IQCH: variants seen among roughly 807,000 people sequenced by gnomAD.
IQCH encodes the protein IQ domain-containing protein H.
IQCH carries 98 observed loss-of-function variants against 117.0 expected under a neutral mutation model. The ratio of observed to expected loss-of-function variants is 0.84; its 90% CI spans 0.71 to 0.99. IQCH has a LOEUF of 0.99. Among genes scored for constraint, IQCH ranks in the 50% least tolerant of loss-of-function variants. The probability of loss-of-function intolerance (pLI) is 0.00; values close to 1 mark genes in which losing one functional copy is unlikely to be tolerated. For missense variants in IQCH, 1,102 were observed against 1,243.8 expected (o/e 0.89, Z 1.72); for synonymous variants, 412 against 448.2 (o/e 0.92, Z 1.02).
chr15:67,414,365 A>G lies in IQCH; in HGVS notation c.2098-2566A>G, dbSNP rs112921093. On this transcript the variant is annotated intron_variant, in intron 14 of 20. Coordinates refer to ENST00000335894, the MANE Select transcript of IQCH (RefSeq NM_001031715.3). ...AGCACGGAGAAAGCTTTCTCTCCCAATTGAAGAGAAGGCTTCCTGGAGGAG... is the reference window on the plus strand; with the variant it reads ...AGCACGGAGAAAGCTTTCTCTCCCAGTTGAAGAGAAGGCTTCCTGGAGGAG... Among the ~76,000 whole-genome samples the G allele has an allele frequency of 3.8e-3, 575 of 152,188 alleles. 12 individuals are homozygous for G. The highest frequency in any genetic ancestry group is 0.012 in the African/African-American group (480 of 41,510).
Position 67,463,674 on chromosome 15 carries a change from G to C in IQCH, c.2506-1453G>C, listed in dbSNP as rs1243575433. On this transcript the variant is annotated intron_variant, in intron 16 of 20. Coordinates refer to ENST00000335894, the MANE Select transcript of IQCH (RefSeq NM_001031715.3). The surrounding 1 kb of genome is among the most constrained non-coding windows in gnomAD (Gnocchi z 4.0). ...GGGACCAGTTGTGTTTTTGTTGCTT[G>C]TTTAAAGCTCAAAGGTCACCTTCAT... 6.6e-6 allele frequency among the ~76,000 whole-genome samples: 1 copy of C among 152,096 alleles called. No homozygotes were observed. The highest frequency in any genetic ancestry group is 2.4e-5 in the African/African-American group (1 of 41,404).
chr15:67,442,280 C>T (rs1046440266), intron 16 of IQCH, among the ~76,000 whole-genome samples: 4 of 151,792 alleles, frequency 2.6e-5, no homozygotes, highest in Non-Finnish European at 5.9e-5. Flanking sequence ...CATGGTGGTG[C>T]GTGCCTGTAA....
intron 4 of IQCH, among the ~76,000 whole-genome samples, chr15:67,293,894 G>A (rs906795011): frequency 2.6e-5 from 4 of 152,136 alleles, no homozygotes; most frequent in Admixed American, 1.3e-4. Context: ...AAAGTAGGAG[G>A]GGCCAGATCT....
intron 1 of IQCH, chr15:67,255,207 T>C: frequency 1.9e-6 from 1 of 539,322 alleles, no homozygotes; most frequent in South Asian, 2.5e-5. Flanking sequence ...ACCCGGAACC[T>C]TTACTTCAGA....
intron 3 of IQCH, 33 bp from the exon 4 acceptor site, chr15:67,279,362 A>T (rs1966255825): frequency 8.4e-7 from 1 of 1,186,774 alleles, no homozygotes; most frequent in Non-Finnish European, 1.2e-6. Flanking sequence ...AAAATAGCAA[A>T]TTTGATTTTA....
chr15:67,287,898 A>G (rs59074664), intron 4 of IQCH, among the ~76,000 whole-genome samples: 2,274 of 152,008 alleles, frequency 0.015, 53 homozygotes, highest in African/African-American at 0.048. Flanking sequence ...CTTCCCTCTT[A>G]GCATTGCCTT....
intron 1 of IQCH, among the ~76,000 whole-genome samples, chr15:67,260,749 A>G (rs1258666527): frequency 1.3e-5 from 2 of 152,180 alleles, no homozygotes; most frequent in Non-Finnish European, 2.9e-5. Flanking sequence ...AATAATATGA[A>G]AGAATAATTT....
intron 4 of IQCH, among the ~76,000 whole-genome samples, chr15:67,332,588 A>G (rs939239063): frequency 6.6e-6 from 1 of 152,232 alleles, no homozygotes; most frequent in African/African-American, 2.4e-5. Context: ...GGACCCATTT[A>G]TATGTAGAGC....
chr15:67,266,549 C>T (rs866677239), intron 3 of IQCH, among the ~76,000 whole-genome samples: 1 of 152,104 alleles, frequency 6.6e-6, no homozygotes, highest in African/African-American at 2.4e-5. Flanking sequence ...CCCAGCTACT[C>T]AGGAGGCTGA....
chr15:67,270,192 C>T (rs1482265490), intron 3 of IQCH, among the ~76,000 whole-genome samples: 1 of 152,130 alleles, frequency 6.6e-6, no homozygotes, highest in African/African-American at 2.4e-5. Flanking sequence ...TTCTTCCTTT[C>T]CAATTTGGAT....
intron 4 of IQCH, among the ~76,000 whole-genome samples, chr15:67,320,145 G>A (rs570250504): frequency 6.6e-6 from 1 of 152,290 alleles, no homozygotes; most frequent in Non-Finnish European, 1.5e-5. Context: ...GCTCAGGAAG[G>A]GATGCCAAAT....
Position 67,473,022 on chromosome 15 carries a change from A to T in IQCH, c.2677-2674A>T, listed in dbSNP as rs2083110541. The stretch of plus-strand genomic sequence containing the variant: ...GAGCCAAGATACATAGTATTGCTAG[A>T]TTGTGCTACCACATGCCTGCCTGCC... On this transcript the variant is annotated intron_variant, in intron 17 of 20. Coordinates refer to ENST00000335894, the MANE Select transcript of IQCH (RefSeq NM_001031715.3). This position sits in a 1 kb window ranked among gnomAD's most constrained non-coding sequence, Gnocchi z 4.9. Among the ~76,000 whole-genome samples the T allele has an allele frequency of 6.6e-6, 1 of 152,240 alleles. No individual in the cohort carries two copies. Among genetic ancestry groups the T allele is most frequent in the South Asian group, 2.1e-4 (1 of 4,832 alleles).
intron 4 of IQCH, among the ~76,000 whole-genome samples, chr15:67,287,568 T>C (rs1438303232): frequency 6.6e-6 from 1 of 151,464 alleles, no homozygotes; most frequent in Non-Finnish European, 1.5e-5. Context: ...TAATTCCTCA[T>C]AGAAGCCACT....
chr15:67,295,566 T>C (rs768955640), intron 4 of IQCH, among the ~76,000 whole-genome samples: 2 of 152,190 alleles, frequency 1.3e-5, no homozygotes, highest in Non-Finnish European at 2.9e-5. Flanking sequence ...AGAAGAGTAC[T>C]GAGCTAGGAG....
At chr15:67,295,275 G>C (rs575341037) in intron 4 of IQCH, among the ~76,000 whole-genome samples, 1 of 152,134 alleles carries the variant, frequency 6.6e-6, no homozygotes, top group Admixed American at 6.5e-5. Context: ...TAACACCTTT[G>C]ATCTTTTTAG....
Position 67,398,273 on chromosome 15 carries a change from T to C in IQCH, c.1906-1841T>C, listed in dbSNP as rs147042308. Among the ~76,000 whole-genome samples, 7 of 152,310 alleles carry C rather than the reference T, an allele frequency of 4.6e-5. No individual in the cohort carries two copies. The East Asian group carries it at 1.3e-3, about 29-fold the overall frequency. On this transcript the variant is annotated intron_variant, in intron 13 of 20. Transcript: ENST00000335894. ...CTGATGTTAACAGGCCAAAGACCATTTCTACTTCTGCAAAGTGTGATCATA... is the reference window on the plus strand; with the variant it reads ...CTGATGTTAACAGGCCAAAGACCATCTCTACTTCTGCAAAGTGTGATCATA...
At position 67,457,017 on chromosome 15, in the gene IQCH, G is replaced by A. The variant is rs1469328427; in HGVS notation, c.2506-8110G>A. Among the ~76,000 whole-genome samples, 1 of 152,150 alleles carries A rather than the reference G, an allele frequency of 6.6e-6. No homozygotes were observed. The highest frequency in any genetic ancestry group is 1.5e-5 in the Non-Finnish European group (1 of 68,022). On this transcript the variant is annotated intron_variant, in intron 16 of 20. Transcript: ENST00000335894. The surrounding 1 kb of genome is among the most constrained non-coding windows in gnomAD (Gnocchi z 5.7). ...CAGAGACAGAGGGGAAGGCCTCTAA[G>A]CTGAAAACCAAGAGGCTCAATTGCT...
Position 67,431,101 on chromosome 15 carries a change from G to C in IQCH, c.2505+9524G>C, listed in dbSNP as rs535855344. On this transcript the variant is annotated intron_variant, in intron 16 of 20. Coordinates refer to ENST00000335894, the MANE Select transcript of IQCH (RefSeq NM_001031715.3). The surrounding 1 kb of genome is among the most constrained non-coding windows in gnomAD (Gnocchi z 4.8). ...TCCAAGTGAGAAACAGGCTCACTTG[G>C]TGGGAAAGAGTGGTGGGAAAAAGCA... Among the ~76,000 whole-genome samples the C allele has an allele frequency of 4.5e-4, 69 of 152,206 alleles. No individual in the cohort carries two copies. The highest frequency in any genetic ancestry group is 1.6e-3 in the African/African-American group (66 of 41,536).
rs2082332263 is a variant in IQCH, at chr15:67,443,692, T to C, written c.2506-21435T>C. ...ACAACTTCGCTTCCTTTGAAACATA[T>C]TTCAAAGTCCAGCTCATCATGGATT... On this transcript the variant is annotated intron_variant, in intron 16 of 20. Transcript: ENST00000335894. The surrounding 1 kb of genome is among the most constrained non-coding windows in gnomAD (Gnocchi z 5.0). Among the ~76,000 whole-genome samples the C allele has an allele frequency of 6.6e-6, 1 of 152,236 alleles. No individual in the cohort carries two copies. Among genetic ancestry groups the C allele is most frequent in the Non-Finnish European group, 1.5e-5 (1 of 68,042 alleles).
Sources: allele counts gnomAD v4.1 joint callset (sites outside exome capture counted in the v4.1 genomes callset), GRCh38; gene constraint gnomAD v4.1.1; non-coding constraint Gnocchi (gnomAD v3.1); transcripts MANE v1.5; gene names NCBI Gene and HGNC (gene_info 2026-07-23, HGNC 2026-07-21).